The following PXDC1 variants were observed in gnomAD, a reference collection of about 807,000 sequenced individuals.
The protein encoded by PXDC1 is PX domain containing 1.
In PXDC1, 13 loss-of-function variants were observed where a neutral mutation model predicts 24.4. That is an observed-to-expected ratio of 0.53 (90% CI 0.35 to 0.85). PXDC1 has a LOEUF of 0.85. PXDC1 is among the 40% of genes least tolerant of loss of function. The pLI, the probability that PXDC1 is intolerant of heterozygous loss-of-function variation, is 0.01. For synonymous variants in PXDC1, 162 were observed against 124.9 expected (o/e 1.30, Z -1.98); for missense variants, 344 against 309.3 (o/e 1.11, Z -0.84).
chr6:3,743,011 A>T (rs1381505508), intron 1 of PXDC1, among the ~76,000 whole-genome samples: 1 of 152,224 alleles, frequency 6.6e-6, no homozygotes, highest in African/African-American at 2.4e-5. Context: ...GCAGTACAAA[A>T]ATCTGACAGT....
At chr6:3,734,373 T>A (rs1029291649) in intron 3 of PXDC1, among the ~76,000 whole-genome samples, 2 of 152,328 alleles carry the variant, frequency 1.3e-5, no homozygotes, top group South Asian at 2.1e-4. Flanking sequence ...AGGACTCTGC[T>A]GCTCCTTGAT....
chr6:3,731,748 G>A (rs961507669), intron 3 of PXDC1, among the ~76,000 whole-genome samples: 30 of 152,236 alleles, frequency 2.0e-4, no homozygotes, highest in African/African-American at 7.0e-4. Flanking sequence ...CATGACCGTA[G>A]CACTCTTAGA....
At chr6:3,742,464 G>C (rs1760468804) in intron 1 of PXDC1, among the ~76,000 whole-genome samples, 1 of 152,170 alleles carries the variant, frequency 6.6e-6, no homozygotes, top group South Asian at 2.1e-4. Flanking sequence ...AGATCGCACG[G>C]ATGAATACCG....
intron 4 of PXDC1, among the ~76,000 whole-genome samples, chr6:3,727,264 G>A (rs1187535527): frequency 6.6e-6 from 1 of 152,194 alleles, no homozygotes; most frequent in Non-Finnish European, 1.5e-5. Flanking sequence ...CCTGGCCCTG[G>A]AGACAGCATC....
At chr6:3,746,385 A>G (rs1438334930) in intron 1 of PXDC1, among the ~76,000 whole-genome samples, 1 of 152,188 alleles carries the variant, frequency 6.6e-6, no homozygotes, top group Non-Finnish European at 1.5e-5. Flanking sequence ...AGAAAGAGGA[A>G]GAGGAGGCCG....
intron 3 of PXDC1, among the ~76,000 whole-genome samples, chr6:3,734,427 A>G (rs539805113): frequency 6.6e-6 from 1 of 152,142 alleles, no homozygotes; most frequent in African/African-American, 2.4e-5. Context: ...AAACAGAGAC[A>G]CTGGTGCTAG....
At chr6:3,736,517 C>G (rs1760320295) in intron 3 of PXDC1, among the ~76,000 whole-genome samples, 1 of 152,188 alleles carries the variant, frequency 6.6e-6, no homozygotes, top group Non-Finnish European at 1.5e-5. Flanking sequence ...CAGCCTTTGT[C>G]AAAATAGTGC....
At position 3,737,248 on chromosome 6, in the gene PXDC1, CCTGT is replaced by C. The variant is rs1422163219; in HGVS notation, c.349-56_349-53del. 4.6e-6 allele frequency: 6 copies of C among 1,311,900 alleles called. No individual in the cohort carries two copies. In the African/African-American group the frequency reaches 5.8e-5, roughly 13 times the overall value. 81.3% of individuals were successfully genotyped at this position (1,311,900 alleles called of 1,614,324 possible). On this transcript the variant is annotated intron_variant, in intron 2 of 4. Coordinates refer to ENST00000380283, the MANE Select transcript of PXDC1 (RefSeq NM_183373.4). The surrounding 1 kb of genome is among the most constrained non-coding windows in gnomAD (Gnocchi z 5.5). Reference sequence around the variant, plus strand: ...AAACGATCAGCCTCTACACGTTGGCCCTGTCTGTCTACCAAGAGAGGGCCCCGCT... The same window carrying C: ...AAACGATCAGCCTCTACACGTTGGCCCTGTCTACCAAGAGAGGGCCCCGCT...
At chr6:3,748,562 G>A (rs2127602847) in intron 1 of PXDC1, among the ~76,000 whole-genome samples, 1 of 152,286 alleles carries the variant, frequency 6.6e-6, no homozygotes, top group East Asian at 1.9e-4. Flanking sequence ...CCACTCCACA[G>A]TGTGTGTGTG....
intron 1 of PXDC1, chr6:3,738,972 G>A (rs1189335765): frequency 1.6e-6 from 2 of 1,289,816 alleles, no homozygotes; most frequent in East Asian, 5.6e-5. Context: ...AAACGTGCCT[G>A]TGAGCGGTGA....
rs775074049 is a variant in PXDC1 at position 3,751,499 on chromosome 6, G to A, written c.33C>T (p.Leu11=). MASAVFEGTS[L]VNMFVRGCWV... is the part of the protein sequence containing the mutation. ...AGCAGCCGCGCACGAACATGTTCAC[G>A]AGCGACGTGCCCTCAAACACCGCCG... Residue 11 remains leucine, a synonymous_variant, in exon 1 of 5, where the codon CTC becomes CTT. Transcript: ENST00000380283. 1.2e-6 allele frequency: 2 copies of A among 1,602,372 alleles called. No homozygotes were observed. The highest frequency in any genetic ancestry group is 1.3e-5 in the African/African-American group (1 of 74,142).
At position 3,737,652 on chromosome 6, in the gene PXDC1, T is replaced by C; in HGVS notation, c.348+405A>G. The C allele has an allele frequency of 2.0e-6, 2 of 985,382 alleles. No individual in the cohort carries two copies. The highest frequency in any genetic ancestry group is 2.4e-6 in the Non-Finnish European group (2 of 829,878). 61.0% of individuals were successfully genotyped at this position (985,382 alleles called of 1,614,324 possible). ...AGTTGACGGTCAAATCCGGGCAACG[T>C]GCCCCGCTGTGCTGACGCCAACGTT... On this transcript the variant is annotated intron_variant, in intron 2 of 4. Coordinates refer to ENST00000380283, the MANE Select transcript of PXDC1 (RefSeq NM_183373.4). This position sits in a 1 kb window ranked among gnomAD's most constrained non-coding sequence, Gnocchi z 5.5.
At position 3,738,076 on chromosome 6, in the gene PXDC1, A is replaced by G. The variant is rs747561465; in HGVS notation, c.329T>C (p.Ile110Thr). 6 of 1,613,988 alleles carry G rather than the reference A, an allele frequency of 3.7e-6. 1 individual carries two copies. The South Asian group carries it at 5.5e-5, about 15-fold the overall frequency. Residue 110 changes from isoleucine (I) to threonine (T), a missense_variant, in exon 2 of 5, where the codon ATC (isoleucine) becomes ACC (threonine). By Grantham distance (89) the Ile-to-Thr change is moderately conservative. Coordinates refer to ENST00000380283, the MANE Select transcript of PXDC1 (RefSeq NM_183373.4). ...LNEVEKLLKT[I>T]ISMPCKYSRS... ...ACTCACTTTACAGGGCATGCTTATG[A>G]TCGTCTTCAGCAGCTTCTCCACCTC...
intron 1 of PXDC1, 73 bp from the exon 2 acceptor site, chr6:3,738,221 A>G: frequency 8.8e-7 from 1 of 1,134,050 alleles, no homozygotes; most frequent in Non-Finnish European, 1.3e-6. Flanking sequence ...AATACACAAC[A>G]GGTGCCCACA....
chr6:3,741,914 C>CT (rs201403005), intron 1 of PXDC1, among the ~76,000 whole-genome samples: 7 of 142,690 alleles, frequency 4.9e-5, no homozygotes, highest in South Asian at 2.3e-4. Flanking sequence ...AAGGAAAACA[C>CT]TTTTTAAAAA....
At chr6:3,744,587 G>A (rs571692702) in intron 1 of PXDC1, among the ~76,000 whole-genome samples, 5 of 152,360 alleles carry the variant, frequency 3.3e-5, no homozygotes, top group African/African-American at 1.2e-4. Context: ...AAGGACAAGC[G>A]TGGTCTCACA....
chr6:3,734,649 T>G (rs1760275263), intron 3 of PXDC1, among the ~76,000 whole-genome samples: 2 of 152,184 alleles, frequency 1.3e-5, no homozygotes, highest in South Asian at 4.1e-4. Flanking sequence ...AAGGGGCTCC[T>G]GTACTCACTG....
chr6:3,751,155 C>T, intron 1 of PXDC1, 121 bp downstream of exon 1: 1 of 798,806 alleles, frequency 1.3e-6, no homozygotes, highest in Non-Finnish European at 1.8e-6. Flanking sequence ...TCCAAGTGTC[C>T]CCTGTCCAGG....
chr6:3,746,615 C>A (rs1760577368), intron 1 of PXDC1, among the ~76,000 whole-genome samples: 1 of 152,164 alleles, frequency 6.6e-6, no homozygotes, highest in Non-Finnish European at 1.5e-5. Flanking sequence ...CCAGCCAGCA[C>A]CCCACTTGCA....
Sources: allele counts gnomAD v4.1 joint callset (sites outside exome capture counted in the v4.1 genomes callset), GRCh38; gene constraint gnomAD v4.1.1; non-coding constraint Gnocchi (gnomAD v3.1); transcripts MANE v1.5; gene names NCBI Gene and HGNC (gene_info 2026-07-23, HGNC 2026-07-21).